WARS1: variants seen among roughly 807,000 people sequenced by gnomAD.
WARS1 encodes the protein tryptophan--tRNA ligase, cytoplasmic.
A neutral mutation model predicts 47.8 loss-of-function variants in WARS1; 17 were observed. The observed-to-expected ratio is 0.36, with a 90% CI of 0.24 to 0.53. The LOEUF is 0.53. WARS1 is among the 20% of genes least tolerant of loss of function. WARS1 has a pLI of 0.91. For missense variants in WARS1, 434 were observed against 608.0 expected (o/e 0.71, Z 3.01); for synonymous variants, 208 against 228.1 (o/e 0.91, Z 0.79).
intron 4 of WARS1, among the ~76,000 whole-genome samples, chr14:100,358,988 T>G (rs1356109766): frequency 2.6e-5 from 4 of 152,184 alleles, no homozygotes; most frequent in African/African-American, 9.7e-5. Flanking sequence ...CCTATTAGGA[T>G]GGCTATAAAA....
intron 6 of WARS1, among the ~76,000 whole-genome samples, chr14:100,347,607 C>CA (rs1377257242): frequency 4.6e-5 from 7 of 151,770 alleles, no homozygotes; most frequent in African/African-American, 9.7e-5. Context: ...GACAGAGTCT[C>CA]ACTCTGTAGC....
At chr14:100,361,949 AAAAGTATTACT>A (rs1566860484) in intron 2 of WARS1, 28 bp from the exon 3 acceptor site, 2 of 1,610,000 alleles carry the variant, frequency 1.2e-6, no homozygotes, top group Non-Finnish European at 1.7e-6. Context: ...AGGGATGGCT[AAAAGTATTACT>A]AATAGCTGAT....
intron 7 of WARS1, among the ~76,000 whole-genome samples, chr14:100,346,129 A>G (rs1219382877): frequency 6.6e-6 from 1 of 152,154 alleles, no homozygotes; most frequent in Non-Finnish European, 1.5e-5. Flanking sequence ...CCAAAAGTCT[A>G]AAAGTCTACG....
At chr14:100,335,087 G>C (rs189299876) in intron 10 of WARS1, 51 bp from the exon 11 acceptor site, 21 of 1,572,952 alleles carry the variant, frequency 1.3e-5, no homozygotes, top group Non-Finnish European at 1.7e-5. Context: ...TGTCCTGAGT[G>C]GCTCCTTCCT....
chr14:100,352,501 C>T (rs1895062278), intron 6 of WARS1, among the ~76,000 whole-genome samples: 1 of 152,198 alleles, frequency 6.6e-6, no homozygotes, highest in African/African-American at 2.4e-5. Context: ...TCACTGCTCA[C>T]CTGCCCCTTT....
intron 2 of WARS1, chr14:100,368,370 T>C (rs1896137293): frequency 8.8e-6 from 4 of 455,422 alleles, no homozygotes; most frequent in Non-Finnish European, 1.8e-5. Context: ...GTACAGATAC[T>C]GACCTAACTA....
At chr14:100,371,023 T>C (rs540277871) in intron 1 of WARS1, among the ~76,000 whole-genome samples, 2 of 152,232 alleles carry the variant, frequency 1.3e-5, no homozygotes, top group South Asian at 4.1e-4. Flanking sequence ...TAGACTCTAG[T>C]AGTTTGACTC....
intron 6 of WARS1, among the ~76,000 whole-genome samples, chr14:100,352,467 G>A (rs558524171): frequency 3.9e-5 from 6 of 152,082 alleles, no homozygotes; most frequent in African/African-American, 7.2e-5. Flanking sequence ...CTGGGGATGC[G>A]GCTCTAAGCA....
intron 3 of WARS1, 94 bp from the exon 4 acceptor site, chr14:100,360,756 C>T: frequency 1.1e-6 from 1 of 914,568 alleles, no homozygotes; most frequent in Non-Finnish European, 1.7e-6. Context: ...GATCCATGCA[C>T]AATCTTAATG....
At chr14:100,376,319 C>A (rs966481561), upstream of WARS1, 2 of 1,152,984 alleles carry the variant, frequency 1.7e-6, no homozygotes, top group Middle Eastern at 3.3e-4. Flanking sequence ...CCTGGGCGTC[C>A]GTGGAAACGC....
chr14:100,370,444 C>T (rs1042147622), intron 1 of WARS1: 2 of 152,122 alleles, frequency 1.3e-5, no homozygotes, highest in South Asian at 2.1e-4. Flanking sequence ...AACTACGTTA[C>T]GAGTGCTGTT....
At position 100,337,185 on chromosome 14, in the gene WARS1, A is replaced by C; in HGVS notation, c.1131T>G (p.Phe377Leu). The C allele has an allele frequency of 6.2e-7, 1 of 1,614,094 alleles. No homozygotes were observed. Among genetic ancestry groups the C allele is most frequent in the Non-Finnish European group, 8.5e-7 (1 of 1,179,944 alleles). The stretch of plus-strand genomic sequence containing the variant: ...CCTCGATGGTGTCTCTCCCTCCAGA[A>C]AACGCATGCTTATTGACCTGCACCA... ...QIKTKVNKHAFSGGRDTIEEH... is the reference protein window; with the variant it reads ...QIKTKVNKHALSGGRDTIEEH... Residue 377 changes from phenylalanine to leucine, a missense_variant, in exon 10 of 11, where the codon TTT becomes TTG. Around this residue, in one of 2 missense-constraint regions of WARS1, gnomAD observed 347 missense variants for 523.8 expected, o/e 0.66. Transcript: ENST00000392882.
chr14:100,345,867 T>C (rs1320693633), intron 7 of WARS1, among the ~76,000 whole-genome samples: 7 of 152,170 alleles, frequency 4.6e-5, no homozygotes, highest in African/African-American at 1.4e-4. Context: ...GACCCTTGGG[T>C]GAGCGCAGAG....
Position 100,334,715 on chromosome 14 carries a change from C to G in WARS1, c.*160G>C, listed in dbSNP as rs1050159377. On this transcript the variant is annotated 3_prime_UTR_variant, in exon 11 of 11. Transcript: ENST00000392882. ...TAAGAGATAGAAATAATGGAACTCA[C>G]AGGAAGAAACAGTATTGATAACATA... 2.0e-5 allele frequency: 15 copies of G among 740,488 alleles called. No homozygotes were observed. Among genetic ancestry groups the G allele is most frequent in the African/African-American group, 7.1e-5 (4 of 56,378 alleles). The allele number at this position is 740,488 out of a possible 1,614,324, so 45.9% of individuals were successfully genotyped here.
chr14:100,336,414 A>G (rs1312340381), intron 10 of WARS1, among the ~76,000 whole-genome samples: 1 of 152,172 alleles, frequency 6.6e-6, no homozygotes, highest in Non-Finnish European at 1.5e-5. Flanking sequence ...TGCCCTGCAT[A>G]TGAACACTTA....
At chr14:100,346,613 G>C in intron 7 of WARS1, 133 bp downstream of exon 7, 1 of 696,462 alleles carries the variant, frequency 1.4e-6, no homozygotes, top group Non-Finnish European at 2.5e-6. Context: ...CCACGCCTGG[G>C]CATCCTACTT....
chr14:100,370,707 C>T (rs557495471), intron 1 of WARS1, among the ~76,000 whole-genome samples: 1 of 152,142 alleles, frequency 6.6e-6, no homozygotes, highest in Admixed American at 6.5e-5. Flanking sequence ...AAAAAACTTG[C>T]CCATGGCTGG....
rs1893786155 is a variant in WARS1, at chr14:100,337,069, A to G, written c.1247T>C (p.Ile416Thr). The G allele has an allele frequency of 1.2e-6, 2 of 1,613,590 alleles. No individual in the cohort carries two copies. The highest frequency in any genetic ancestry group is 1.3e-5 in the African/African-American group (1 of 74,892). The change falls in exon 10 of 11, where the codon ATC (isoleucine) becomes ACC (threonine). Residue 416 changes from isoleucine (I) to threonine (T), a missense_variant. Physicochemically the swap from Ile to Thr is moderately conservative, Grantham distance 89 (BLOSUM62 -1). This residue lies in a region of WARS1 where 347 missense variants were observed against 523.8 expected (regional missense o/e 0.66). Transcript: ENST00000392882. ...TTGGGGTTCCCTGCTCACCTTCCTGATCTGCTCGAGCTTGTCGTCGTCCTC... is the reference window on the plus strand; with the variant it reads ...TTGGGGTTCCCTGCTCACCTTCCTGGTCTGCTCGAGCTTGTCGTCGTCCTC... The part of the protein sequence containing the change: ...FLEDDDKLEQ[I>T]RKDYTSGAML...
intron 7 of WARS1, among the ~76,000 whole-genome samples, chr14:100,345,068 C>T (rs1177332057): frequency 3.0e-4 from 42 of 140,180 alleles, no homozygotes; most frequent in Admixed American, 3.5e-4. Context: ...GCCCCCCGCC[C>T]GGCCAGCCGC....
Sources: allele counts gnomAD v4.1 joint callset (sites outside exome capture counted in the v4.1 genomes callset), GRCh38; gene constraint gnomAD v4.1.1; regional missense constraint gnomAD v4.1.1; transcripts MANE v1.5; gene names NCBI Gene and HGNC (gene_info 2026-07-23, HGNC 2026-07-21).